RAPGEF1: variants seen among roughly 807,000 people sequenced by gnomAD.
The protein encoded by RAPGEF1 is Rap guanine nucleotide exchange factor 1.
In RAPGEF1, 33 loss-of-function variants were observed where a neutral mutation model predicts 143.3. That is an observed-to-expected ratio of 0.23 (90% confidence interval 0.17 to 0.31). The LOEUF is 0.31. Among genes scored for constraint, RAPGEF1 ranks in the 10% least tolerant of loss-of-function variants. The pLI, the probability that RAPGEF1 is intolerant of heterozygous loss-of-function variation, is 1.00. For synonymous variants in RAPGEF1, 629 were observed against 676.5 expected, an observed-to-expected ratio of 0.93 and a Z score of 1.09; for missense variants, 1,199 against 1,645.4, an observed-to-expected ratio of 0.73 and a Z score of 4.69.
chr9:131,598,056 A>G, intron 16 of RAPGEF1, 143 bp downstream of exon 16: 1 of 685,176 alleles, frequency 1.5e-6, no homozygotes, highest in Non-Finnish European at 2.5e-6. Context: ...CCCACAGCCC[A>G]GAGGCTCACC....
chr9:131,585,080 T>A (rs976730291), intron 22 of RAPGEF1, among the ~76,000 whole-genome samples: 3 of 152,158 alleles, frequency 2.0e-5, no homozygotes, highest in Non-Finnish European at 4.4e-5. Flanking sequence ...CAAAGGCCAG[T>A]CTCATCTGTG....
chr9:131,629,380 C>G, intron 6 of RAPGEF1, 126 bp from the exon 7 acceptor site: 1 of 967,930 alleles, frequency 1.0e-6, no homozygotes, highest in South Asian at 1.6e-5. Context: ...GAAGAGCAGG[C>G]TCCCTGGATA....
At position 131,650,642 on chromosome 9, in the gene RAPGEF1, C is replaced by G. The variant is rs1970847868; in HGVS notation, c.201+168G>C. On this transcript the variant is annotated intron_variant, in intron 2 of 26. Coordinates refer to ENST00000683357, the MANE Select transcript of RAPGEF1 (RefSeq NM_001377935.1). The surrounding 1 kb of genome is among the most constrained non-coding windows in gnomAD (Gnocchi z 4.7). The stretch of plus-strand genomic sequence containing the variant: ...GGCTAACGTGGCAAACACTCACCAT[C>G]CTAATGGTTCTTATTTTACAAGGAC... 6.6e-6 allele frequency among the ~76,000 whole-genome samples: 1 copy of G among 152,198 alleles called. No individual in the cohort carries two copies. Among genetic ancestry groups the G allele is most frequent in the African/African-American group, 2.4e-5 (1 of 41,450 alleles).
rs1043748227 is a variant in RAPGEF1, at chr9:131,647,572, G to A, written c.315+2557C>T. ...GTAAGAGAGCTAATGAATAATCAAC[G>A]AGGGCAGCAGATGACAGACCCACTG... On this transcript the variant is annotated intron_variant, in intron 3 of 26. Coordinates refer to ENST00000683357, the MANE Select transcript of RAPGEF1 (RefSeq NM_001377935.1). 7.9e-5 allele frequency among the ~76,000 whole-genome samples: 12 copies of A among 152,282 alleles called. 1 individual carries two copies. Among genetic ancestry groups the A allele is most frequent in the African/African-American group, 2.4e-4 (10 of 41,560 alleles).
intron 11 of RAPGEF1, among the ~76,000 whole-genome samples, chr9:131,620,888 A>G (rs138404289): frequency 1.9e-4 from 29 of 152,334 alleles, no homozygotes; most frequent in African/African-American, 6.7e-4. Context: ...AAGATGGCCC[A>G]GTGCACACCA....
chr9:131,623,762 G>C (rs976316714), intron 10 of RAPGEF1, among the ~76,000 whole-genome samples: 3 of 152,230 alleles, frequency 2.0e-5, no homozygotes, highest in Admixed American at 6.5e-5. Flanking sequence ...GGCTGCTCCG[G>C]GCAAGAGGGG....
intron 1 of RAPGEF1, among the ~76,000 whole-genome samples, chr9:131,721,236 C>T (rs1318342548): frequency 6.6e-6 from 1 of 152,190 alleles, no homozygotes; most frequent in African/African-American, 2.4e-5. Context: ...AGTGTTTTCT[C>T]ATCCAAATCA....
intron 1 of RAPGEF1, among the ~76,000 whole-genome samples, chr9:131,687,437 C>T (rs965144404): frequency 8.5e-5 from 13 of 152,114 alleles, no homozygotes; most frequent in Non-Finnish European, 8.8e-5. Context: ...TCAAGTGATC[C>T]GCCTGCCTCA....
Position 131,649,840 on chromosome 9 carries a change from G to A in RAPGEF1, c.315+289C>T, listed in dbSNP as rs937735519. ...CAGCTGGTCTTGAGAGATGAGACTC[G>A]CCCACATCCCCTGGAACCCGTTGGA... On this transcript the variant is annotated intron_variant, in intron 3 of 26. Transcript: ENST00000683357. Among the ~76,000 whole-genome samples the A allele has an allele frequency of 3.8e-4, 58 of 152,180 alleles. 1 individual carries two copies. Among genetic ancestry groups the A allele is most frequent in the Admixed American group, 2.8e-3 (42 of 15,270 alleles).
At position 131,579,020 on chromosome 9, in the gene RAPGEF1, T is replaced by C. The variant is rs1177475772; in HGVS notation, c.*477A>G. The stretch of plus-strand genomic sequence containing the variant: ...TCTGCATTCTGCCCACCCAGCTGCT[T>C]GCCCCCATTCCAGGGCCCCTGCAGG... On this transcript the variant is annotated 3_prime_UTR_variant, in exon 27 of 27. Transcript: ENST00000683357. 1.3e-5 allele frequency: 2 copies of C among 157,424 alleles called. No individual in the cohort carries two copies. The highest frequency in any genetic ancestry group is 1.9e-4 in the South Asian group (1 of 5,392). 9.8% of individuals were successfully genotyped at this position (157,424 alleles called of 1,614,324 possible).
rs559214067 is a variant in RAPGEF1 at position 131,620,828 on chromosome 9, T to C, written c.1905+968A>G. Among the ~76,000 whole-genome samples, 6 of 152,364 alleles carry C rather than the reference T, an allele frequency of 3.9e-5. No individual in the cohort carries two copies. In the South Asian group the frequency reaches 1.2e-3, roughly 32 times the overall value. ...GGACATTTGTCCTCCAGTCTGCAGC[T>C]GCCTCCCAGAAGAATCAGATGGCCC... On this transcript the variant is annotated intron_variant, in intron 11 of 26. Coordinates refer to ENST00000683357, the MANE Select transcript of RAPGEF1 (RefSeq NM_001377935.1).
chr9:131,631,939 CTTA>C (rs1238098624), intron 5 of RAPGEF1, among the ~76,000 whole-genome samples: 1 of 152,140 alleles, frequency 6.6e-6, no homozygotes, highest in Non-Finnish European at 1.5e-5. Context: ...AGAGGGATGA[CTTA>C]TCAGTATATA....
chr9:131,588,782 G>A lies in RAPGEF1; in HGVS notation c.3053+19C>T, dbSNP rs767900955. 1.2e-6 allele frequency: 2 copies of A among 1,601,818 alleles called. No homozygotes were observed. The highest frequency in any genetic ancestry group is 1.7e-6 in the Non-Finnish European group (2 of 1,174,168). ...CGGCTCCTGGGGAAGAGGCAGGGCT[G>A]GAGAGGTGGGCTTCTCACCTGGCTG... On this transcript the variant is annotated intron_variant, in intron 20 of 26. Transcript: ENST00000683357.
intron 1 of RAPGEF1, among the ~76,000 whole-genome samples, chr9:131,664,749 CA>C (rs1448404493): frequency 6.6e-6 from 1 of 152,108 alleles, no homozygotes; most frequent in Non-Finnish European, 1.5e-5. Flanking sequence ...GTACTGTGTT[CA>C]AAAAGATATT....
chr9:131,687,715 A>T (rs1833468790), intron 1 of RAPGEF1, among the ~76,000 whole-genome samples: 1 of 152,208 alleles, frequency 6.6e-6, no homozygotes, highest in Non-Finnish European at 1.5e-5. Context: ...GCCAAGGAGG[A>T]CAAGTTTAAA....
chr9:131,593,002 C>T (rs1237890578), intron 17 of RAPGEF1, among the ~76,000 whole-genome samples: 1 of 152,240 alleles, frequency 6.6e-6, no homozygotes, highest in Non-Finnish European at 1.5e-5. Context: ...CTTGGCCTCC[C>T]AAAGTGCTGG....
intron 12 of RAPGEF1, among the ~76,000 whole-genome samples, chr9:131,615,296 G>C (rs1455682135): frequency 1.3e-5 from 2 of 152,212 alleles, no homozygotes; most frequent in Admixed American, 1.3e-4. Flanking sequence ...GGATGGTCTT[G>C]ATTTCCTGAC....
intron 12 of RAPGEF1, among the ~76,000 whole-genome samples, chr9:131,613,031 C>T (rs1024071828): frequency 6.6e-6 from 1 of 152,182 alleles, no homozygotes; most frequent in African/African-American, 2.4e-5. Flanking sequence ...GAAGACGAAC[C>T]GGAACATGAC....
chr9:131,594,688 C>G (rs1954938724), intron 17 of RAPGEF1, among the ~76,000 whole-genome samples: 1 of 152,214 alleles, frequency 6.6e-6, no homozygotes, highest in Admixed American at 6.5e-5. Flanking sequence ...AACTTTGGTT[C>G]TGGGGAGCCT....
Sources: allele counts gnomAD v4.1 joint callset (sites outside exome capture counted in the v4.1 genomes callset), GRCh38; gene constraint gnomAD v4.1.1; non-coding constraint Gnocchi (gnomAD v3.1); transcripts MANE v1.5; gene names NCBI Gene and HGNC (gene_info 2026-07-23, HGNC 2026-07-21).